Variants in KCNC2 observed in about 807,000 individuals in gnomAD.
The protein encoded by KCNC2 is voltage-gated potassium channel KCNC2.
KCNC2 carries 21 observed loss-of-function variants against 44.5 expected under a neutral mutation model. The ratio of observed to expected loss-of-function variants is 0.47; its 90% CI spans 0.33 to 0.68. The LOEUF (loss-of-function observed/expected upper bound fraction) is 0.68. Ranked by LOEUF, KCNC2 falls within the 30% of genes least tolerant of loss-of-function variation. The pLI is 0.01. For synonymous variants in KCNC2, 391 were observed against 339.1 expected (o/e 1.15, Z -1.68); for missense variants, 589 against 826.2 (o/e 0.71, Z 3.52).
chr12:75,133,528 A>C lies in KCNC2; in HGVS notation c.687+73769T>G, dbSNP rs145856431. ...ATAGATGGGTTAAGAATTTAGGAAA[A>C]ACTTGGCAAGTGATTCCAATTAAGT... On this transcript the variant is annotated intron_variant, in intron 2 of 4. Coordinates refer to ENST00000549446, the MANE Select transcript of KCNC2 (RefSeq NM_139137.4). 3.3e-3 allele frequency among the ~76,000 whole-genome samples: 507 copies of C among 152,074 alleles called. 2 individuals are homozygous for C. The highest frequency in any genetic ancestry group is 0.011 in the African/African-American group (468 of 41,534).
chr12:75,049,643 C>T (rs1880955712), intron 3 of KCNC2, among the ~76,000 whole-genome samples: 1 of 151,946 alleles, frequency 6.6e-6, no homozygotes, highest in South Asian at 2.1e-4. Context: ...GAGAGCAGAA[C>T]CCAACACATT....
intron 2 of KCNC2, among the ~76,000 whole-genome samples, chr12:75,115,720 A>G (rs1390756035): frequency 6.6e-6 from 1 of 152,164 alleles, no homozygotes; most frequent in East Asian, 1.9e-4. Context: ...ATTTGTACCT[A>G]TTTATTTCTC....
At chr12:75,170,492 C>T (rs1193439740) in intron 2 of KCNC2, among the ~76,000 whole-genome samples, 1 of 151,714 alleles carries the variant, frequency 6.6e-6, no homozygotes, top group East Asian at 1.9e-4. Flanking sequence ...ACTCAATTTA[C>T]AGATGAAAAA....
chr12:75,066,983 A>G (rs115349626), intron 2 of KCNC2, among the ~76,000 whole-genome samples: 24,562 of 152,140 alleles, frequency 0.16, 2,184 homozygotes, highest in Middle Eastern at 0.26. Context: ...CAGGCAGATT[A>G]CATGAGTCCA....
intron 2 of KCNC2, among the ~76,000 whole-genome samples, chr12:75,167,416 G>A (rs1891532144): frequency 1.3e-5 from 2 of 151,170 alleles, no homozygotes; most frequent in Admixed American, 1.3e-4. Flanking sequence ...TAAAATAAAA[G>A]CTTCTTATGA....
intron 2 of KCNC2, among the ~76,000 whole-genome samples, chr12:75,184,128 T>A (rs1044078996): frequency 6.6e-6 from 1 of 152,216 alleles, no homozygotes; most frequent in African/African-American, 2.4e-5. Context: ...TCCTGTAGAC[T>A]GCCTATTATA....
intron 2 of KCNC2, among the ~76,000 whole-genome samples, chr12:75,176,252 T>A (rs936461182): frequency 1.3e-5 from 2 of 152,066 alleles, no homozygotes; most frequent in African/African-American, 4.8e-5. Flanking sequence ...AGCACTGTCA[T>A]CCACTCCAGC....
chr12:75,042,098 G>C lies in KCNC2; in HGVS notation c.*1007C>G, dbSNP rs1879970597. 4.0e-6 allele frequency: 5 copies of C among 1,237,186 alleles called. No individual in the cohort carries two copies. Among genetic ancestry groups the C allele is most frequent in the Admixed American group, 4.0e-5 (1 of 24,776 alleles). The allele number at this position is 1,237,186 out of a possible 1,614,324, so 76.6% of individuals were successfully genotyped here. ...TGAACACCAGTGACATTTGATGTTT[G>C]CACAAAAAATTAATAAATAAAAATA... On this transcript the variant is annotated 3_prime_UTR_variant, in exon 5 of 5. Coordinates refer to ENST00000549446, the MANE Select transcript of KCNC2 (RefSeq NM_139137.4).
At chr12:75,074,463 T>C (rs898996935) in intron 2 of KCNC2, among the ~76,000 whole-genome samples, 5 of 152,116 alleles carry the variant, frequency 3.3e-5, no homozygotes, top group African/African-American at 4.8e-5. Flanking sequence ...TGATCAATTC[T>C]ACTTTCCTTG....
At chr12:75,061,584 CACACACACACACA>C (rs1882336429) in intron 2 of KCNC2, among the ~76,000 whole-genome samples, 2 of 150,984 alleles carry the variant, frequency 1.3e-5, no homozygotes, top group African/African-American at 4.9e-5. Context: ...CACACACACA[CACACACACACACA>C]CACACACACA....
chr12:75,086,286 A>T (rs1479622695), intron 2 of KCNC2, among the ~76,000 whole-genome samples: 2 of 152,002 alleles, frequency 1.3e-5, no homozygotes, highest in Non-Finnish European at 2.9e-5. Context: ...CAGTGTGCCA[A>T]ATTTGTTCAA....
intron 2 of KCNC2, among the ~76,000 whole-genome samples, chr12:75,171,076 G>A (rs113690727): frequency 5.0e-5 from 1 of 19,838 alleles, no homozygotes; most frequent in African/African-American, 2.5e-3. Context: ...AGCCAGCAGG[G>A]GATCTTACTA....
intron 2 of KCNC2, among the ~76,000 whole-genome samples, chr12:75,093,572 C>A (rs538034468): frequency 6.6e-6 from 1 of 151,678 alleles, no homozygotes; most frequent in Admixed American, 6.6e-5. Flanking sequence ...GTATTAATCA[C>A]AACATATTAA....
intron 2 of KCNC2, among the ~76,000 whole-genome samples, chr12:75,085,139 G>A (rs933508283): frequency 6.6e-6 from 1 of 152,008 alleles, no homozygotes; most frequent in African/African-American, 2.4e-5. Flanking sequence ...GCTTTATGCA[G>A]TAGCCCTTGA....
intron 2 of KCNC2, among the ~76,000 whole-genome samples, chr12:75,199,244 T>C (rs1227325157): frequency 1.3e-5 from 2 of 151,836 alleles, no homozygotes; most frequent in Admixed American, 6.6e-5. Flanking sequence ...TGTTGAAGAA[T>C]GGCAAACCTC....
intron 2 of KCNC2, among the ~76,000 whole-genome samples, chr12:75,101,211 T>A (rs1284103670): frequency 1.3e-5 from 2 of 152,030 alleles, no homozygotes; most frequent in Non-Finnish European, 2.9e-5. Context: ...ATATATCCAT[T>A]CAAAAAACCA....
intron 2 of KCNC2, among the ~76,000 whole-genome samples, chr12:75,181,700 T>G (rs1161274547): frequency 1.3e-5 from 2 of 152,156 alleles, no homozygotes; most frequent in Admixed American, 1.3e-4. Flanking sequence ...CTCAATGATT[T>G]TCCAGCTATG....
rs1879922122 is a variant in KCNC2, at chr12:75,041,696, G to T, written c.*1409C>A. ...AGTAATGAATGCTGGTTGCTAGGTA[G>T]TAGAAACTGACACTGCAGCAGGCAA... On this transcript the variant is annotated 3_prime_UTR_variant, in exon 5 of 5. Transcript: ENST00000549446. 2.0e-6 allele frequency: 2 copies of T among 994,728 alleles called. No individual in the cohort carries two copies. The highest frequency in any genetic ancestry group is 8.9e-5 in the South Asian group (2 of 22,406). 61.6% of individuals were successfully genotyped at this position (994,728 alleles called of 1,614,324 possible).
At chr12:75,107,950 A>T (rs966772520) in intron 2 of KCNC2, among the ~76,000 whole-genome samples, 18 of 152,210 alleles carry the variant, frequency 1.2e-4, no homozygotes, top group Non-Finnish European at 7.3e-5. Flanking sequence ...AAAGACTTTT[A>T]AAAAAGAGGG....
Sources: allele counts gnomAD v4.1 joint callset (sites outside exome capture counted in the v4.1 genomes callset), GRCh38; gene constraint gnomAD v4.1.1; transcripts MANE v1.5; gene names NCBI Gene and HGNC (gene_info 2026-07-23, HGNC 2026-07-21).